The following GIPR variants were observed in gnomAD, a reference collection of about 807,000 sequenced individuals.
GIPR encodes GIP-R.
Under a neutral mutation model 62.2 loss-of-function variants are expected in GIPR, and 74 were observed. The ratio of observed to expected loss-of-function variants is 1.19; its 90% CI spans 0.99 to 1.44. GIPR has a LOEUF of 1.44. Ranked by LOEUF, GIPR falls within the 40% of genes most tolerant of loss-of-function variation. GIPR has a pLI of 0.00. For missense variants in GIPR, 664 were observed against 611.8 expected (o/e 1.09, Z -0.90); for synonymous variants, 256 against 262.2 (o/e 0.98, Z 0.23).
rs1031361816 is a variant in GIPR, at chr19:45,682,288, T to C, written c.*353T>C. ...AAGCGATAGCATAGGCAAAGGCCCT[T>C]GGGCAGGAAGGCGCTCAGCCTTGGC... On this transcript the variant is annotated 3_prime_UTR_variant, in exon 14 of 14. Coordinates refer to ENST00000590918, the MANE Select transcript of GIPR (RefSeq NM_000164.4). 8 of 273,934 alleles carry C rather than the reference T, an allele frequency of 2.9e-5. No individual in the cohort carries two copies. Among genetic ancestry groups the C allele is most frequent in the Non-Finnish European group, 4.9e-5 (7 of 144,308 alleles). 17.0% of individuals were successfully genotyped at this position (273,934 alleles called of 1,614,324 possible). A position where few individuals can be genotyped will look rare whatever the true frequency, so the allele number is the denominator to read the frequency against.
intron 12 of GIPR, 41 bp from the exon 13 acceptor site, chr19:45,681,563 G>A: frequency 3.1e-6 from 5 of 1,590,040 alleles, no homozygotes; most frequent in Non-Finnish European, 4.3e-6. Context: ...TTACAGTCCT[G>A]CCCCCACCAG....
At chr19:45,669,311 C>G (rs2302382) in intron 1 of GIPR, among the ~76,000 whole-genome samples, 166 bp from the exon 2 acceptor site, 1 of 152,126 alleles carries the variant, frequency 6.6e-6, no homozygotes. Context: ...CTCCCTCCCC[C>G]CAGATCATCA....
chr19:45,672,187 T>TA (rs1052880017), intron 4 of GIPR, among the ~76,000 whole-genome samples: 1 of 150,760 alleles, frequency 6.6e-6, no homozygotes, highest in African/African-American at 2.4e-5. Flanking sequence ...TAATTTTTTT[T>TA]AAAAAATTGG....
chr19:45,677,894 C>A lies in GIPR; in HGVS notation c.925-12C>A, dbSNP rs761754866. On this transcript the variant is annotated splice_polypyrimidine_tract_variant and intron_variant, in intron 10 of 13. Transcript: ENST00000590918. ...GGATCGCGGCTGGCTCAGCCCTTAT[C>A]TCTCCCCACAGATTAATTTCCTCAT... 1 of 1,612,940 alleles carries A rather than the reference C, an allele frequency of 6.2e-7. No homozygotes were observed. The highest frequency in any genetic ancestry group is 1.7e-5 in the Admixed American group (1 of 60,022).
chr19:45,677,295 T>TGGGGGGGGGG, intron 8 of GIPR, 28 bp from the exon 9 acceptor site: 1 of 914,810 alleles, frequency 1.1e-6, no homozygotes, highest in Non-Finnish European at 1.6e-6. Flanking sequence ...TGCGGCGGGG[T>TGGGGGGGGGG]GGGGGGGCGG....
chr19:45,669,656 C>A, intron 2 of GIPR, 64 bp downstream of exon 2: 1 of 1,529,856 alleles, frequency 6.5e-7, no homozygotes, highest in Non-Finnish European at 8.8e-7. Context: ...GGTTTTAGGG[C>A]TTCCGTCGTC....
intron 1 of GIPR, 47 bp from the exon 2 acceptor site, chr19:45,669,430 T>C (rs980546516): frequency 3.3e-6 from 5 of 1,515,776 alleles, no homozygotes; most frequent in Non-Finnish European, 4.4e-6. Flanking sequence ...GACGCTGGGG[T>C]TGGAGTAGGA....
rs150299903 is a variant in GIPR, at chr19:45,681,018, A to G, written c.1153-586A>G. On this transcript the variant is annotated intron_variant, in intron 12 of 13. Transcript: ENST00000590918. Reference sequence around the variant, plus strand: ...GGTGGTTTTTGAGTCCAGGGAGCCCACCTCCAGGGTCCACAGTTCTTAACC... The same window carrying G: ...GGTGGTTTTTGAGTCCAGGGAGCCCGCCTCCAGGGTCCACAGTTCTTAACC... Among the ~76,000 whole-genome samples, 860 of 152,156 alleles carry G rather than the reference A, an allele frequency of 5.7e-3. 13 individuals are homozygous for G. Among genetic ancestry groups the G allele is most frequent in the African/African-American group, 0.02 (826 of 41,516 alleles).
chr19:45,681,725 A>C lies in GIPR; in HGVS notation c.1195-4A>C. 1.2e-6 allele frequency: 2 copies of C among 1,611,534 alleles called. No homozygotes were observed. The highest frequency in any genetic ancestry group is 1.7e-6 in the Non-Finnish European group (2 of 1,178,714). On this transcript the variant is annotated splice_polypyrimidine_tract_variant and splice_region_variant and intron_variant, in intron 13 of 13. Transcript: ENST00000590918. ...CGCCGCCTCTGAGCGCCATCGTCTC[A>C]CAGGTGCAGTCGGAGATCCGCCGTG... is the stretch of plus-strand genomic sequence containing the variant.
chr19:45,670,862 G>A, intron 3 of GIPR, 128 bp downstream of exon 3: 1 of 639,652 alleles, frequency 1.6e-6, no homozygotes, highest in South Asian at 1.9e-5. Flanking sequence ...CCCGGGGACT[G>A]ACCTGAGCAT....
Position 45,681,998 on chromosome 19 carries a change from GC to G in GIPR, c.*66del. 1 of 1,360,282 alleles carries G rather than the reference GC, an allele frequency of 7.4e-7. No homozygotes were observed. The allele number at this position is 1,360,282 out of a possible 1,614,324, so 84.3% of individuals were successfully genotyped here. A position where few individuals can be genotyped will look rare whatever the true frequency, so the allele number is the denominator to read the frequency against. On this transcript the variant is annotated 3_prime_UTR_variant, in exon 14 of 14. Coordinates refer to ENST00000590918, the MANE Select transcript of GIPR (RefSeq NM_000164.4). ...TTATTGAGTGCCAACTGCGTGCCAG[GC>G]CCAGTACGGAGGACGCTGGGGAAAT...
chr19:45,674,361 T>C (rs549036385), intron 6 of GIPR, 184 bp downstream of exon 6: 2 of 676,538 alleles, frequency 3.0e-6, no homozygotes, highest in East Asian at 5.4e-5. Context: ...TAATCCCAGC[T>C]CTTTGGGATG....
Position 45,682,019 on chromosome 19 carries a change from G to A in GIPR, c.*84G>A. 8.3e-7 allele frequency: 1 copy of A among 1,199,222 alleles called. No individual in the cohort carries two copies. Among genetic ancestry groups the A allele is most frequent in the Non-Finnish European group, 1.2e-6 (1 of 829,372 alleles). The allele number at this position is 1,199,222 out of a possible 1,614,324, so 74.3% of individuals were successfully genotyped here. ...CCAGGCCCAGTACGGAGGACGCTGGGGAAATGGTGAAGGAAACAGAAAAAA... is the reference window on the plus strand; with the variant it reads ...CCAGGCCCAGTACGGAGGACGCTGGAGAAATGGTGAAGGAAACAGAAAAAA... On this transcript the variant is annotated 3_prime_UTR_variant, in exon 14 of 14. Transcript: ENST00000590918.
intron 4 of GIPR, 85 bp from the exon 5 acceptor site, chr19:45,672,766 C>T: frequency 2.5e-6 from 2 of 796,198 alleles, no homozygotes; most frequent in Non-Finnish European, 4.4e-6. Flanking sequence ...CGGCTCTCTC[C>T]CTCTCTGTTA....
At chr19:45,670,978 G>T (rs1403393542) in intron 3 of GIPR, among the ~76,000 whole-genome samples, 4 of 151,918 alleles carry the variant, frequency 2.6e-5, no homozygotes, top group Non-Finnish European at 5.9e-5. Context: ...CTTGAAGGGG[G>T]CGGGGTTTGG....
At position 45,670,698 on chromosome 19, in the gene GIPR, T is replaced by G. The variant is rs139952137; in HGVS notation, c.136T>G (p.Cys46Gly). The change falls in exon 3 of 14, where the codon TGC becomes GGC. Residue 46 changes from cysteine (C) to glycine (G), a missense_variant. Cys to Gly is a radical substitution (Grantham distance 159). Transcript: ENST00000590918. The part of the protein sequence containing the change: ...YQRWERYRRE[C>G]QETLAAAEPP... ...GCGCTGGGAACGGTACCGCAGGGAG[T>G]GCCAGGAGACCTTGGCAGCCGCGGA... The G allele has an allele frequency of 2.5e-6, 4 of 1,607,902 alleles. No individual in the cohort carries two copies. The highest frequency in any genetic ancestry group is 3.4e-6 in the Non-Finnish European group (4 of 1,177,992).
chr19:45,674,547 C>T, intron 6 of GIPR, 135 bp from the exon 7 acceptor site: 1 of 781,176 alleles, frequency 1.3e-6, no homozygotes, highest in South Asian at 1.5e-5. Context: ...GTTGAGGCTG[C>T]AGTGAGCCCT....
chr19:45,670,947 G>A (rs1479718738), intron 3 of GIPR, among the ~76,000 whole-genome samples: 2 of 151,932 alleles, frequency 1.3e-5, no homozygotes, highest in Admixed American at 1.3e-4. Flanking sequence ...AGCCTTGGGC[G>A]GGGCCTGCAC....
intron 3 of GIPR, 77 bp downstream of exon 3, chr19:45,670,811 C>T: frequency 2.4e-6 from 2 of 821,116 alleles, no homozygotes; most frequent in Non-Finnish European, 3.9e-6. Flanking sequence ...CTTGGGCTGA[C>T]GGGCGGGGAA....
Sources: allele counts gnomAD v4.1 joint callset (sites outside exome capture counted in the v4.1 genomes callset), GRCh38; gene constraint gnomAD v4.1.1; transcripts MANE v1.5; gene names NCBI Gene and HGNC (gene_info 2026-07-23, HGNC 2026-07-21).